Variants in TOP6BL observed in about 807,000 individuals in gnomAD.
TOP6BL encodes the protein TOP6B like initiator of meiotic double strand breaks.
the TOP6BL span, among the ~76,000 whole-genome samples, chr11:66,813,112 A>G: frequency 6.6e-6 from 1 of 152,162 alleles, no homozygotes; most frequent in Non-Finnish European, 1.5e-5. Flanking sequence ...TTCCTAGAAG[A>G]TATTCTCTTG....
At chr11:66,842,878 C>G in the TOP6BL span, 3 of 1,575,136 alleles carry the variant, frequency 1.9e-6, no homozygotes, top group Non-Finnish European at 2.6e-6. Flanking sequence ...AAACAAGAGG[C>G]TCAAGAGGGG....
chr11:66,744,828 C>A, the TOP6BL span: 1 of 1,313,832 alleles, frequency 7.6e-7, no homozygotes, highest in South Asian at 2.3e-5. Context: ...GGGGCGGCGG[C>A]GGCGGCGGCG....
chr11:66,780,603 A>G, the TOP6BL span, among the ~76,000 whole-genome samples: 1 of 152,040 alleles, frequency 6.6e-6, no homozygotes, highest in Non-Finnish European at 1.5e-5. Context: ...TTTTGGAGAC[A>G]GAGTCTCACT....
At chr11:66,840,163 T>C in the TOP6BL span, among the ~76,000 whole-genome samples, 2 of 152,166 alleles carry the variant, frequency 1.3e-5, no homozygotes, top group East Asian at 3.8e-4. Context: ...ATCACCAAAC[T>C]GTGTGTTGAT....
At chr11:66,821,887 C>A in the TOP6BL span, 1 of 1,172,984 alleles carries the variant, frequency 8.5e-7, no homozygotes, top group Admixed American at 2.2e-5. Flanking sequence ...CTTCTGTCAC[C>A]TGGGTGATCT....
the TOP6BL span, among the ~76,000 whole-genome samples, chr11:66,842,636 G>C: frequency 6.6e-6 from 1 of 152,132 alleles, no homozygotes; most frequent in East Asian, 1.9e-4. Context: ...TCCCGCCTGG[G>C]TGAGAGAATA....
chr11:66,751,028 A>T, the TOP6BL span, among the ~76,000 whole-genome samples: 37 of 141,860 alleles, frequency 2.6e-4, no homozygotes, highest in African/African-American at 9.0e-4. Context: ...TTTATTTATT[A>T]ATTTAGAGAC....
the TOP6BL span, among the ~76,000 whole-genome samples, chr11:66,750,862 GTTGT>G: frequency 2.9e-5 from 4 of 140,318 alleles, no homozygotes; most frequent in East Asian, 8.7e-4. Context: ...ACCATGCCTG[GTTGT>G]TTTATTTTTG....
chr11:66,843,461 G>A, the TOP6BL span: 5 of 1,408,842 alleles, frequency 3.5e-6, no homozygotes, highest in African/African-American at 1.5e-5. Context: ...GCGCAATGGC[G>A]GCGCTGGGCG....
the TOP6BL span, among the ~76,000 whole-genome samples, chr11:66,822,265 CTTTTT>C: frequency 6.9e-6 from 1 of 144,790 alleles, no homozygotes; most frequent in Non-Finnish European, 1.5e-5. Flanking sequence ...GAACTAAAAG[CTTTTT>C]TTTTTTTTCC....
At chr11:66,810,344 G>A in the TOP6BL span, among the ~76,000 whole-genome samples, 3 of 152,160 alleles carry the variant, frequency 2.0e-5, no homozygotes, top group East Asian at 1.9e-4. Flanking sequence ...GTGGCTATGC[G>A]GGTAGATACA....
At chr11:66,840,337 C>T in the TOP6BL span, among the ~76,000 whole-genome samples, 1 of 152,188 alleles carries the variant, frequency 6.6e-6, no homozygotes, top group Non-Finnish European at 1.5e-5. Context: ...TCAGTAAACT[C>T]ACCCAACTTG....
At chr11:66,753,285 T>C in the TOP6BL span, among the ~76,000 whole-genome samples, 1 of 152,158 alleles carries the variant, frequency 6.6e-6, no homozygotes, top group African/African-American at 2.4e-5. Flanking sequence ...CTAAGTCCTC[T>C]AAGTTCTCTC....
the TOP6BL span, chr11:66,815,875 CATT>C: frequency 5.5e-6 from 3 of 543,122 alleles, no homozygotes; most frequent in African/African-American, 3.8e-5. Context: ...TCCTGTGAGT[CATT>C]ATGATTTGCT....
chr11:66,761,506 G>A, the TOP6BL span: 1 of 673,610 alleles, frequency 1.5e-6, no homozygotes, highest in Non-Finnish European at 2.2e-6. Context: ...CACATGTCTA[G>A]CTTCATAGTA....
the TOP6BL span, among the ~76,000 whole-genome samples, chr11:66,842,553 C>G: frequency 6.6e-6 from 1 of 152,148 alleles, no homozygotes; most frequent in Admixed American, 6.5e-5. Context: ...CTTGTCAGTG[C>G]AGACTCCAGG....
the TOP6BL span, among the ~76,000 whole-genome samples, chr11:66,775,933 A>G: frequency 1.3e-5 from 2 of 151,512 alleles, no homozygotes; most frequent in African/African-American, 4.9e-5. Flanking sequence ...ATTTTTTTCA[A>G]CCCTACTGAA....
the TOP6BL span, among the ~76,000 whole-genome samples, chr11:66,819,160 A>G: frequency 6.6e-6 from 1 of 152,168 alleles, no homozygotes; most frequent in African/African-American, 2.4e-5. Context: ...AGATGGTGCA[A>G]AGTTAGTCTG....
At chr11:66,830,508 A>C in the TOP6BL span, among the ~76,000 whole-genome samples, 2 of 152,184 alleles carry the variant, frequency 1.3e-5, no homozygotes, top group Non-Finnish European at 2.9e-5. Context: ...ATTAAACACA[A>C]ATTAAACAGA....
Sources: allele counts gnomAD v4.1 joint callset (sites outside exome capture counted in the v4.1 genomes callset), GRCh38; gene constraint gnomAD v4.1.1; transcripts MANE v1.5; gene names NCBI Gene and HGNC (gene_info 2026-07-23, HGNC 2026-07-21).